Variants in CFAP57 observed in about 807,000 individuals in gnomAD.
CFAP57 encodes the protein cilia- and flagella-associated protein 57.
In CFAP57, 116 loss-of-function variants were observed where a neutral mutation model predicts 146.8. The ratio of observed to expected loss-of-function variants is 0.79; its 90% CI spans 0.68 to 0.92. CFAP57 has a LOEUF of 0.92. CFAP57 is among the 40% of genes least tolerant of loss of function. CFAP57 has a pLI of 0.00. For missense variants in CFAP57, 1,377 were observed against 1,527.2 expected (o/e 0.90, Z 1.64); for synonymous variants, 518 against 552.8 (o/e 0.94, Z 0.88).
chr1:43,197,733 C>A lies in CFAP57; in HGVS notation c.1262+41C>A, dbSNP rs781203866. ...CTTGCCTACTTTATTATGCAAGACC[C>A]CAGTTGTGAATTTATGTGAATTATT... is the stretch of plus-strand genomic sequence containing the variant. On this transcript the variant is annotated intron_variant, in intron 7 of 22. Transcript: ENST00000372492. 12 of 1,609,884 alleles carry A rather than the reference C, an allele frequency of 7.5e-6. No homozygotes were observed. The South Asian group carries it at 1.3e-4, about 18-fold the overall frequency.
At chr1:43,244,955 G>A (rs1249843449) in intron 22 of CFAP57, among the ~76,000 whole-genome samples, 1 of 152,000 alleles carries the variant, frequency 6.6e-6, no homozygotes, top group East Asian at 1.9e-4. Context: ...ACTTCTCAGA[G>A]GTGAAACCAT....
At position 43,197,615 on chromosome 1, in the gene CFAP57, A is replaced by G. The variant is rs1643920303; in HGVS notation, c.1185A>G (p.Leu395=). 1 of 1,614,150 alleles carries G rather than the reference A, an allele frequency of 6.2e-7. No homozygotes were observed. The highest frequency in any genetic ancestry group is 8.5e-7 in the Non-Finnish European group (1 of 1,180,038). ...TGCACTCAGCACCCATCACCGGTCT[A>G]GCTACCTGCATCCGCAAACCCCTTA... is the stretch of plus-strand genomic sequence containing the variant. ...YPLHSAPITG[L]ATCIRKPLIA... Residue 395 remains leucine, a synonymous_variant, in exon 7 of 23, where the codon CTA becomes CTG. Coordinates refer to ENST00000372492, the MANE Select transcript of CFAP57 (RefSeq NM_001378189.1).
intron 21 of CFAP57, among the ~76,000 whole-genome samples, chr1:43,237,444 T>C (rs1645747623): frequency 6.6e-6 from 1 of 152,190 alleles, no homozygotes; most frequent in Admixed American, 6.5e-5. Flanking sequence ...ATGAACGTGA[T>C]AGTGTTCCTA....
chr1:43,252,655 A>G (rs762431832), intron 22 of CFAP57, among the ~76,000 whole-genome samples: 2 of 152,204 alleles, frequency 1.3e-5, no homozygotes, highest in Non-Finnish European at 2.9e-5. Flanking sequence ...AATAAAACCA[A>G]CAAAGACTCA....
At position 43,201,407 on chromosome 1, in the gene CFAP57, C is replaced by T. The variant is rs1557763255; in HGVS notation, c.1542+1904C>T. ...GAGGTCATGTAAAGTCCAAAACTGA[C>T]CGTTGACTTTAGCAAATAACAGATC... On this transcript the variant is annotated intron_variant, in intron 9 of 22. Transcript: ENST00000372492. This position sits in a 1 kb window ranked among gnomAD's most constrained non-coding sequence, Gnocchi z 4.4. Among the ~76,000 whole-genome samples, 1 of 152,178 alleles carries T rather than the reference C, an allele frequency of 6.6e-6. No homozygotes were observed. Among genetic ancestry groups the T allele is most frequent in the Non-Finnish European group, 1.5e-5 (1 of 68,034 alleles).
Position 43,181,628 on chromosome 1 carries a change from C to G in CFAP57, c.252C>G (p.Ile84Met). 6.2e-7 allele frequency: 1 copy of G among 1,614,220 alleles called. No homozygotes were observed. Among genetic ancestry groups the G allele is most frequent in the Non-Finnish European group, 8.5e-7 (1 of 1,180,040 alleles). ...AGACTGTGCAAGAAAAACCTGCCAT[C>G]ACCATTTATGAATTGTCATCCATCC... Reference protein sequence around the residue: ...ISETVQEKPAITIYELSSIPC... With the variant: ...ISETVQEKPAMTIYELSSIPC... The change falls in exon 3 of 23, where the codon ATC (isoleucine) becomes ATG (methionine). Residue 84 changes from isoleucine (I) to methionine (M), a missense_variant. By Grantham distance (10) the Ile-to-Met change is conservative. Coordinates refer to ENST00000372492, the MANE Select transcript of CFAP57 (RefSeq NM_001378189.1).
At chr1:43,245,184 C>T (rs1025164409) in intron 22 of CFAP57, among the ~76,000 whole-genome samples, 8 of 152,068 alleles carry the variant, frequency 5.3e-5, no homozygotes, top group African/African-American at 1.9e-4. Flanking sequence ...TGGCATATGC[C>T]TGTAGTCCCA....
chr1:43,248,393 C>T (rs1646198559), intron 22 of CFAP57, among the ~76,000 whole-genome samples: 1 of 149,868 alleles, frequency 6.7e-6, no homozygotes, highest in Admixed American at 6.6e-5. Context: ...TCTCGGCTCA[C>T]TGCAAGCCCT....
At chr1:43,240,327 C>G (rs957716886) in intron 21 of CFAP57, among the ~76,000 whole-genome samples, 2 of 152,192 alleles carry the variant, frequency 1.3e-5, no homozygotes, top group African/African-American at 4.8e-5. Context: ...GGCTCTTCAC[C>G]TACTGTGTAT....
chr1:43,176,851 G>T (rs1487850771), intron 2 of CFAP57, among the ~76,000 whole-genome samples: 1 of 152,204 alleles, frequency 6.6e-6, no homozygotes, highest in Admixed American at 6.5e-5. Flanking sequence ...GAAGGAGCTG[G>T]CTGTGCTGAT....
Position 43,197,688 on chromosome 1 carries a change from A to G in CFAP57, c.1258A>G (p.Thr420Ala). 6.2e-7 allele frequency: 1 copy of G among 1,614,160 alleles called. No homozygotes were observed. The highest frequency in any genetic ancestry group is 1.3e-5 in the African/African-American group (1 of 75,018). Residue 420 changes from threonine (T) to alanine (A), a missense_variant, in exon 7 of 23, where the codon ACA (threonine) becomes GCA (alanine). Transcript: ENST00000372492. ...ATCCATCCGCCTTTGGAATTATGAA[A>G]CAAAGTAAGGAATGAAAGGCTTGCC... ...DRSIRLWNYETNTLELFKEYQ... is the reference protein window; with the variant it reads ...DRSIRLWNYEANTLELFKEYQ...
Position 43,229,083 on chromosome 1 carries a change from T to C in CFAP57, c.3009+1957T>C, listed in dbSNP as rs575119371. Among the ~76,000 whole-genome samples, 7 of 148,844 alleles carry C rather than the reference T, an allele frequency of 4.7e-5. 2 individuals are homozygous for C. The East Asian group carries it at 1.5e-3, about 31-fold the overall frequency. On this transcript the variant is annotated intron_variant, in intron 18 of 22. Coordinates refer to ENST00000372492, the MANE Select transcript of CFAP57 (RefSeq NM_001378189.1). Reference sequence around the variant, plus strand: ...GAGGGCACCAACGTTCATCAGACCATAGCAGCCTGAGAAGATGAGAGGAAG... The same window carrying C: ...GAGGGCACCAACGTTCATCAGACCACAGCAGCCTGAGAAGATGAGAGGAAG...
intron 21 of CFAP57, among the ~76,000 whole-genome samples, chr1:43,241,502 A>G (rs1434043001): frequency 6.6e-6 from 1 of 152,112 alleles, no homozygotes; most frequent in Non-Finnish European, 1.5e-5. Context: ...GTCACAGCTC[A>G]GGGAGAACAG....
rs754421634 is a variant in CFAP57 at position 43,209,845 on chromosome 1, G to A, written c.1858G>A (p.Ala620Thr). The change falls in exon 11 of 23, where the codon GCC becomes ACC. Residue 620 changes from alanine to threonine, a missense_variant. Ala to Thr is a moderately conservative substitution (Grantham distance 58). Coordinates refer to ENST00000372492, the MANE Select transcript of CFAP57 (RefSeq NM_001378189.1). Reference sequence around the variant, plus strand: ...GGGCACCTCGGTGGGAACCATTCGTGCCATGAAGTACCCTCTGCCTCTGCA... The same window carrying A: ...GGGCACCTCGGTGGGAACCATTCGTACCATGAAGTACCCTCTGCCTCTGCA... ...FVGTSVGTIR[A>T]MKYPLPLQKE... The A allele has an allele frequency of 1.9e-6, 3 of 1,614,160 alleles. No individual in the cohort carries two copies. The East Asian group carries it at 6.7e-5, about 36-fold the overall frequency.
chr1:43,223,201 G>A (rs986959266), intron 16 of CFAP57, among the ~76,000 whole-genome samples: 1 of 152,220 alleles, frequency 6.6e-6, no homozygotes, highest in African/African-American at 2.4e-5. Context: ...GCAGCTGCAC[G>A]GGCTTCCCTG....
chr1:43,200,067 T>G (rs1439756661), intron 9 of CFAP57, among the ~76,000 whole-genome samples: 1 of 152,156 alleles, frequency 6.6e-6, no homozygotes, highest in Non-Finnish European at 1.5e-5. Context: ...GAAGGATTAC[T>G]TTGGCAGCAG....
At chr1:43,242,314 C>T (rs1299827790) in intron 21 of CFAP57, among the ~76,000 whole-genome samples, 4 of 152,292 alleles carry the variant, frequency 2.6e-5, no homozygotes, top group Admixed American at 2.6e-4. Flanking sequence ...GTACCCACAC[C>T]CCGCACTAAA....
Position 43,234,490 on chromosome 1 carries a change from G to C in CFAP57, c.3262-5G>C. The C allele has an allele frequency of 6.5e-7, 1 of 1,547,522 alleles. No homozygotes were observed. The highest frequency in any genetic ancestry group is 1.4e-5 in the African/African-American group (1 of 73,108). ...CCTCACTGAGAATCTCCTGGGCCCCGTCAGGTGGAGATCGCAGGGCTGAAC... is the reference window on the plus strand; with the variant it reads ...CCTCACTGAGAATCTCCTGGGCCCCCTCAGGTGGAGATCGCAGGGCTGAAC... On this transcript the variant is annotated splice_polypyrimidine_tract_variant and splice_region_variant and intron_variant, in intron 20 of 22. Coordinates refer to ENST00000372492, the MANE Select transcript of CFAP57 (RefSeq NM_001378189.1).
chr1:43,239,452 T>C (rs1429757474), intron 21 of CFAP57, among the ~76,000 whole-genome samples: 3 of 127,120 alleles, frequency 2.4e-5, no homozygotes, highest in Non-Finnish European at 4.9e-5. Context: ...CTGTAGAGGG[T>C]GGAGGGGGTG....
Sources: gnomAD v4.1 joint callset for allele counts (sites outside exome capture counted in the v4.1 genomes callset) on GRCh38, gnomAD v4.1.1 for gene constraint, Gnocchi (gnomAD v3.1) non-coding constraint, MANE v1.5 for transcripts, NCBI Gene and HGNC (gene_info 2026-07-23, HGNC 2026-07-21) for gene names.